The following DCC variants were observed in gnomAD, a reference collection of about 807,000 sequenced individuals.
The protein encoded by DCC is netrin receptor DCC.
Under a neutral mutation model 172.5 loss-of-function variants are expected in DCC, and 58 were observed. That is an observed-to-expected ratio of 0.34 (90% CI 0.27 to 0.42). The LOEUF is 0.42. Among genes scored for constraint, DCC ranks in the 10% least tolerant of loss-of-function variants. The probability of loss-of-function intolerance (pLI) is 1.00; values close to 1 mark genes in which losing one functional copy is unlikely to be tolerated. For synonymous variants in DCC, 709 were observed against 644.5 expected, an observed-to-expected ratio of 1.10 and a Z score of -1.52; for missense variants, 1,740 against 1,791.0, an observed-to-expected ratio of 0.97 and a Z score of 0.51.
chr18:53,523,756 G>A (rs1284960603), intron 27 of DCC, among the ~76,000 whole-genome samples: 9 of 152,010 alleles, frequency 5.9e-5, no homozygotes, highest in African/African-American at 1.7e-4. Flanking sequence ...TGGGCCTGTC[G>A]GAGGGCAGGG....
intron 1 of DCC, among the ~76,000 whole-genome samples, chr18:52,522,591 G>A (rs1042805819): frequency 4.6e-5 from 7 of 152,124 alleles, no homozygotes; most frequent in East Asian, 1.9e-4. Context: ...TTTATTTGCC[G>A]AATTGGCAAC....
At chr18:52,876,046 T>C (rs2039398809) in intron 2 of DCC, among the ~76,000 whole-genome samples, 1 of 152,114 alleles carries the variant, frequency 6.6e-6, no homozygotes. Flanking sequence ...ACATATGTCC[T>C]GCTGATCTAG....
At chr18:53,437,070 C>T (rs1670774574) in intron 22 of DCC, among the ~76,000 whole-genome samples, 2 of 152,156 alleles carry the variant, frequency 1.3e-5, no homozygotes, top group South Asian at 4.1e-4. Flanking sequence ...GATTAGGTTT[C>T]AACATAAGAA....
intron 1 of DCC, among the ~76,000 whole-genome samples, chr18:52,686,681 A>T (rs1446452067): frequency 3.9e-5 from 6 of 152,104 alleles, no homozygotes; most frequent in Admixed American, 3.9e-4. Context: ...GAGGAGCACA[A>T]ATCAATTGAG....
chr18:52,927,168 T>TATATATAGGTGTATATAC lies in DCC; in HGVS notation c.985+1798_985+1799insATATATAGGTGTATATAC, dbSNP rs1555682869. ...ATATGTGTATATATACGTATATATG[T>TATATATAGGTGTATATAC]GTATATATGTGTATATATACGTATA... is the stretch of plus-strand genomic sequence containing the variant. On this transcript the variant is annotated intron_variant, in intron 5 of 28. Coordinates refer to ENST00000442544, the MANE Select transcript of DCC (RefSeq NM_005215.4). Among the ~76,000 whole-genome samples, 54 of 82,450 alleles carry TATATATAGGTGTATATAC rather than the reference T, an allele frequency of 6.5e-4. 12 individuals carry two copies. Among genetic ancestry groups the TATATATAGGTGTATATAC allele is most frequent in the Non-Finnish European group, 1.1e-3 (42 of 38,366 alleles). 54.1% of individuals were successfully genotyped at this position (82,450 alleles called of 152,430 possible). A position where few individuals can be genotyped will look rare whatever the true frequency, so the allele number is the denominator to read the frequency against.
intron 25 of DCC, among the ~76,000 whole-genome samples, chr18:53,481,323 A>G (rs1028323383): frequency 6.6e-6 from 1 of 152,162 alleles, no homozygotes; most frequent in Non-Finnish European, 1.5e-5. Context: ...TAACGAATCC[A>G]GGCAGTTTTA....
intron 17 of DCC, among the ~76,000 whole-genome samples, chr18:53,393,257 C>T (rs1908692721): frequency 6.6e-6 from 1 of 152,176 alleles, no homozygotes; most frequent in Non-Finnish European, 1.5e-5. Context: ...CCTGTGGTGT[C>T]TTTCAACTTT....
At chr18:53,372,282 A>C (rs755757758) in intron 15 of DCC, among the ~76,000 whole-genome samples, 1 of 152,154 alleles carries the variant, frequency 6.6e-6, no homozygotes, top group Non-Finnish European at 1.5e-5. Flanking sequence ...AATACTATGC[A>C]GCCATAAAAA....
chr18:52,670,789 G>A lies in DCC; in HGVS notation c.92-81265G>A, dbSNP rs182664635. 8.7e-4 allele frequency among the ~76,000 whole-genome samples: 132 copies of A among 152,052 alleles called. 1 individual carries two copies. The highest frequency in any genetic ancestry group is 5.0e-3 in the East Asian group (26 of 5,156). On this transcript the variant is annotated intron_variant, in intron 1 of 28. Coordinates refer to ENST00000442544, the MANE Select transcript of DCC (RefSeq NM_005215.4). ...CTGGAAGCGGAGGTTGCAGTGAGCCGAGATTGCGCCACTGCACTCCAGCCT... is the reference window on the plus strand; with the variant it reads ...CTGGAAGCGGAGGTTGCAGTGAGCCAAGATTGCGCCACTGCACTCCAGCCT...
intron 25 of DCC, among the ~76,000 whole-genome samples, chr18:53,484,849 G>GTGT (rs58706027): frequency 0.053 from 7,986 of 152,072 alleles, 615 homozygotes; most frequent in African/African-American, 0.17. Flanking sequence ...GATGGGGATT[G>GTGT]TGTTAAATCT....
chr18:52,875,441 G>A (rs2039389294), intron 2 of DCC, among the ~76,000 whole-genome samples: 1 of 152,142 alleles, frequency 6.6e-6, no homozygotes, highest in Admixed American at 6.5e-5. Context: ...ATAGAGATGT[G>A]AAATGCAAAC....
chr18:53,066,493 C>T (rs923863707), intron 7 of DCC, among the ~76,000 whole-genome samples: 10 of 148,376 alleles, frequency 6.7e-5, no homozygotes, highest in African/African-American at 2.5e-4. Context: ...CTCTGCTTTT[C>T]AAGGCAATAA....
chr18:53,140,028 G>A (rs1262004451), intron 7 of DCC, among the ~76,000 whole-genome samples: 2 of 152,150 alleles, frequency 1.3e-5, no homozygotes, highest in Non-Finnish European at 2.9e-5. Flanking sequence ...AAAATATTTT[G>A]CATGAATAAA....
At chr18:53,505,518 T>C (rs930396067) in intron 27 of DCC, among the ~76,000 whole-genome samples, 1 of 152,096 alleles carries the variant, frequency 6.6e-6, no homozygotes, top group African/African-American at 2.4e-5. Context: ...GTAGAAAAGT[T>C]TGAGTCCCTT....
intron 12 of DCC, among the ~76,000 whole-genome samples, chr18:53,216,988 A>G (rs1324809851): frequency 6.6e-6 from 1 of 152,082 alleles, no homozygotes; most frequent in Admixed American, 6.6e-5. Flanking sequence ...TGGAAAACAT[A>G]TTGTAATGTC....
intron 1 of DCC, among the ~76,000 whole-genome samples, chr18:52,716,196 C>A (rs1392201099): frequency 6.6e-6 from 1 of 152,250 alleles, no homozygotes; most frequent in Non-Finnish European, 1.5e-5. Flanking sequence ...TGCTGCAGAG[C>A]AGCGAGATCC....
rs71175558 is a variant in DCC, at chr18:53,156,486, C to CA, written c.1262-854dup. ...TTGCAGAGCAAGACCCCATCTCAAC[C>CA]AAAAAAAAAAAAAAAAGAATCAACT... is the stretch of plus-strand genomic sequence containing the variant. On this transcript the variant is annotated intron_variant, in intron 7 of 28. Coordinates refer to ENST00000442544, the MANE Select transcript of DCC (RefSeq NM_005215.4). 7.6e-3 allele frequency among the ~76,000 whole-genome samples: 735 copies of CA among 96,770 alleles called. 4 individuals are homozygous for CA. The highest frequency in any genetic ancestry group is 0.044 in the Middle Eastern group (7 of 160). The allele number at this position is 96,770 out of a possible 152,430, so 63.5% of individuals were successfully genotyped here.
intron 12 of DCC, among the ~76,000 whole-genome samples, chr18:53,289,838 T>C (rs1305332106): frequency 6.6e-6 from 1 of 152,108 alleles, no homozygotes; most frequent in Non-Finnish European, 1.5e-5. Context: ...CTTCCAAGTA[T>C]AGACTGGGAT....
intron 15 of DCC, among the ~76,000 whole-genome samples, chr18:53,344,440 C>CTTTTTTTTTTTTTTTTTTTTTTGTTTTT (rs71175582): frequency 1.0e-5 from 1 of 97,064 alleles, no homozygotes; most frequent in Non-Finnish European, 1.9e-5. Context: ...TTTCGTTTTT[C>CTTTTTTTTTTTTTTTTTTTTTTGTTTTT]TTTTTTTTTT....
Sources: allele counts gnomAD v4.1 joint callset (sites outside exome capture counted in the v4.1 genomes callset), GRCh38; gene constraint gnomAD v4.1.1; transcripts MANE v1.5; gene names NCBI Gene and HGNC (gene_info 2026-07-23, HGNC 2026-07-21).